Variants in THRB observed in about 807,000 individuals in gnomAD.
THRB encodes the protein thyroid hormone receptor beta, also known as nuclear receptor subfamily 1 group A member 2.
In THRB, 12 loss-of-function variants were observed where a neutral mutation model predicts 47.8. That is an observed-to-expected ratio of 0.25 (90% confidence interval 0.16 to 0.41). THRB has a LOEUF of 0.41. Among genes scored for constraint, THRB ranks in the 10% least tolerant of loss-of-function variants. The probability of loss-of-function intolerance (pLI) is 1.00; values close to 1 mark genes in which losing one functional copy is unlikely to be tolerated. For synonymous variants in THRB, 218 were observed against 212.2 expected (o/e 1.03, Z -0.24); for missense variants, 348 against 589.2 (o/e 0.59, Z 4.24).
chr3:24,411,843 A>C (rs1044338525), intron 1 of THRB, among the ~76,000 whole-genome samples: 1 of 151,842 alleles, frequency 6.6e-6, no homozygotes, highest in African/African-American at 2.4e-5. Flanking sequence ...AACAGTGCCA[A>C]GGTTGAGAAA....
intron 2 of THRB, among the ~76,000 whole-genome samples, chr3:24,325,410 G>A (rs1301513008): frequency 1.3e-5 from 2 of 152,206 alleles, no homozygotes; most frequent in Non-Finnish European, 1.5e-5. Context: ...GGAGAGGCCG[G>A]GTGCAGTGGT....
At chr3:24,326,756 CT>C (rs1174687260) in intron 2 of THRB, among the ~76,000 whole-genome samples, 197 of 49,996 alleles carry the variant, frequency 3.9e-3, no homozygotes, top group South Asian at 6.6e-3. Context: ...CCAGTCTTGT[CT>C]TTTTTTTTTT....
intron 5 of THRB, among the ~76,000 whole-genome samples, chr3:24,161,136 A>G (rs1301778559): frequency 6.6e-6 from 1 of 152,198 alleles, no homozygotes; most frequent in Non-Finnish European, 1.5e-5. Flanking sequence ...AGGCACTTTC[A>G]TTTAACCTTT....
At chr3:24,450,107 A>G (rs1464449518) in intron 1 of THRB, among the ~76,000 whole-genome samples, 1 of 152,180 alleles carries the variant, frequency 6.6e-6, no homozygotes, top group African/African-American at 2.4e-5. Flanking sequence ...AAAGCATCAT[A>G]ACTTAATATT....
At chr3:24,456,492 A>G (rs1577704338) in intron 1 of THRB, among the ~76,000 whole-genome samples, 2 of 151,998 alleles carry the variant, frequency 1.3e-5, no homozygotes, top group East Asian at 1.9e-4. Context: ...ATAGTGAATG[A>G]TAGTAATAAA....
intron 1 of THRB, among the ~76,000 whole-genome samples, chr3:24,351,926 G>C (rs2063381245): frequency 6.6e-6 from 1 of 152,172 alleles, no homozygotes; most frequent in Admixed American, 6.5e-5. Context: ...CGACAGATGG[G>C]AGAGAGTGAG....
chr3:24,269,446 A>C (rs1252753504), intron 3 of THRB, among the ~76,000 whole-genome samples: 2 of 139,782 alleles, frequency 1.4e-5, no homozygotes, highest in South Asian at 2.2e-4. Flanking sequence ...CACACACTTA[A>C]GTTATCTTCG....
chr3:24,387,942 G>T (rs1402544846), intron 1 of THRB, among the ~76,000 whole-genome samples: 1 of 152,062 alleles, frequency 6.6e-6, no homozygotes, highest in Non-Finnish European at 1.5e-5. Context: ...TGATTGTCAG[G>T]TCAGTTCAAT....
intron 3 of THRB, among the ~76,000 whole-genome samples, chr3:24,293,729 C>T (rs75361937): frequency 0.035 from 5,305 of 152,250 alleles, 138 homozygotes; most frequent in Non-Finnish European, 0.054. Context: ...CAAAGGCCAT[C>T]TAGGGTAGGG....
intron 1 of THRB, among the ~76,000 whole-genome samples, chr3:24,345,984 G>T (rs1483194030): frequency 6.6e-6 from 1 of 151,720 alleles, no homozygotes; most frequent in African/African-American, 2.4e-5. Flanking sequence ...AGTTAATAAA[G>T]CAGACCAAAA....
rs1196180274 is a variant in THRB, at chr3:24,413,760, C to G, written c.-260-76389G>C. Reference sequence around the variant, plus strand: ...GGCCCCAGTGTGTGATGTTCCCCACCCTGTGTCCAAGTGTTCTCGTTGTTC... The same window carrying G: ...GGCCCCAGTGTGTGATGTTCCCCACGCTGTGTCCAAGTGTTCTCGTTGTTC... On this transcript the variant is annotated intron_variant, in intron 1 of 10. Coordinates refer to ENST00000646209, the MANE Select transcript of THRB (RefSeq NM_001354712.2). Among the ~76,000 whole-genome samples, 4 of 151,732 alleles carry G rather than the reference C, an allele frequency of 2.6e-5. No homozygotes were observed. In the South Asian group the frequency reaches 8.3e-4, roughly 31 times the overall value.
chr3:24,136,106 T>A (rs2034638035), intron 8 of THRB, among the ~76,000 whole-genome samples: 1 of 151,588 alleles, frequency 6.6e-6, no homozygotes, highest in African/African-American at 2.4e-5. Context: ...ATTCCACTTG[T>A]GACATGTGTA....
At position 24,244,480 on chromosome 3, in the gene THRB, A is replaced by G. The variant is rs144006893; in HGVS notation, c.-42-15479T>C. Among the ~76,000 whole-genome samples, 578 of 152,280 alleles carry G rather than the reference A, an allele frequency of 3.8e-3. 1 individual carries two copies. Among genetic ancestry groups the G allele is most frequent in the Non-Finnish European group, 7.0e-3 (473 of 68,028 alleles). ...AAAGAAATGTAATTGAAACTTCTTGATCAAGGCCTACCTCAAGAGCAATTT... is the reference window on the plus strand; with the variant it reads ...AAAGAAATGTAATTGAAACTTCTTGGTCAAGGCCTACCTCAAGAGCAATTT... On this transcript the variant is annotated intron_variant, in intron 3 of 10. Transcript: ENST00000646209.
At chr3:24,432,347 C>G (rs1396673536) in intron 1 of THRB, among the ~76,000 whole-genome samples, 1 of 152,050 alleles carries the variant, frequency 6.6e-6, no homozygotes, top group Non-Finnish European at 1.5e-5. Flanking sequence ...AGTCAACATA[C>G]AGCTTAAAAT....
At chr3:24,221,946 C>G (rs2047200235) in intron 4 of THRB, among the ~76,000 whole-genome samples, 1 of 152,208 alleles carries the variant, frequency 6.6e-6, no homozygotes, top group Non-Finnish European at 1.5e-5. Context: ...CAGAGACAGT[C>G]AGAGCACAAG....
At chr3:24,191,245 C>G (rs1337516038) in intron 4 of THRB, among the ~76,000 whole-genome samples, 1 of 122,770 alleles carries the variant, frequency 8.1e-6, no homozygotes, top group Non-Finnish European at 1.6e-5. Context: ...CAAAAATGAG[C>G]AAGCTAATAT....
chr3:24,307,088 C>G (rs1265719599), intron 2 of THRB, among the ~76,000 whole-genome samples: 1 of 151,682 alleles, frequency 6.6e-6, no homozygotes. Context: ...TACTTTCTTA[C>G]TTGGCAATAA....
intron 1 of THRB, among the ~76,000 whole-genome samples, chr3:24,395,318 A>T (rs2150020510): frequency 6.6e-6 from 1 of 152,248 alleles, no homozygotes; most frequent in South Asian, 2.1e-4. Flanking sequence ...GCCTTCAAGA[A>T]AGTGAAAAGA....
intron 1 of THRB, among the ~76,000 whole-genome samples, chr3:24,415,704 A>T (rs2068679323): frequency 6.6e-6 from 1 of 151,906 alleles, no homozygotes; most frequent in Non-Finnish European, 1.5e-5. Context: ...AAAAATAATT[A>T]TTTATTTCAA....
Sources: allele counts gnomAD v4.1 joint callset (sites outside exome capture counted in the v4.1 genomes callset), GRCh38; gene constraint gnomAD v4.1.1; transcripts MANE v1.5; gene names NCBI Gene and HGNC (gene_info 2026-07-23, HGNC 2026-07-21).